Variants in PIGN observed in about 807,000 individuals in gnomAD.
PIGN encodes the protein GPI ethanolamine phosphate transferase 1.
Under a neutral mutation model 125.4 loss-of-function variants are expected in PIGN, and 117 were observed. That is an observed-to-expected ratio of 0.93 (90% CI 0.80 to 1.09). The LOEUF (loss-of-function observed/expected upper bound fraction) is 1.09, where lower values mean the gene tolerates loss of function less well. PIGN is among the 50% of genes least tolerant of loss of function. The pLI, the probability that PIGN is intolerant of heterozygous loss-of-function variation, is 0.00. For missense variants in PIGN, 1,075 were observed against 1,094.9 expected (o/e 0.98, Z 0.26); for synonymous variants, 392 against 377.8 (o/e 1.04, Z -0.44).
intron 29 of PIGN, among the ~76,000 whole-genome samples, chr18:62,073,170 GGTGTGT>G (rs34182707): frequency 1.6e-3 from 226 of 145,478 alleles, no homozygotes; most frequent in African/African-American, 5.2e-3. Context: ...AATTATCAGG[GGTGTGT>G]GTGTGTGTGT....
chr18:62,026,525 A>T (rs535380320), intron 23 of PIGN, among the ~76,000 whole-genome samples: 7 of 152,338 alleles, frequency 4.6e-5, no homozygotes, highest in African/African-American at 1.4e-4. Context: ...CACAAGAACA[A>T]AGATAAATAG....
In PIGN at chr18:62,137,081, A is replaced by G. The variant is rs192504218; in HGVS notation, c.1172+1162T>C. 334 of 398,690 alleles carry G rather than the reference A, an allele frequency of 8.4e-4. 7 individuals are homozygous for G. The Admixed American group carries it at 0.013, about 16-fold the overall frequency. The allele number at this position is 398,690 out of a possible 1,614,324, so 24.7% of individuals were successfully genotyped here. A position where few individuals can be genotyped will look rare whatever the true frequency, so the allele number is the denominator to read the frequency against. ...AGTGGGAGAAGCAGACCCACCCTCA[A>G]GTGGGCATCATCTAATCAGCTGCCA... On this transcript the variant is annotated intron_variant, in intron 14 of 30. Transcript: ENST00000640252.
Position 62,113,250 on chromosome 18 carries a change from T to A in PIGN, c.1318A>T (p.Arg440Ter). 6.2e-7 allele frequency: 1 copy of A among 1,612,988 alleles called. No homozygotes were observed. The change falls in exon 16 of 31, where the codon AGA (arginine) becomes TGA (stop). Residue 440 changes from arginine (R) to a stop codon, truncating the protein, a stop_gained. Coordinates refer to ENST00000640252, the MANE Select transcript of PIGN (RefSeq NM_176787.5). LOFTEE classifies it high-confidence loss of function. ...KGLSYYHTYD[R>*]FFLGVNVVIG... ...ACAACATTGACGCCCAAAAAGAATCTGTCATATGTGTGATAATAGGACAAT... is the reference window on the plus strand; with the variant it reads ...ACAACATTGACGCCCAAAAAGAATCAGTCATATGTGTGATAATAGGACAAT...
chr18:62,148,557 A>G (rs991422088), intron 7 of PIGN, among the ~76,000 whole-genome samples: 1 of 152,144 alleles, frequency 6.6e-6, no homozygotes, highest in Admixed American at 6.5e-5. Flanking sequence ...AATAAGGCCA[A>G]AAAAAGATGT....
At chr18:62,186,747 AG>A (rs1415625362) in intron 1 of PIGN, 96 bp downstream of exon 1, 1 of 152,278 alleles carries the variant, frequency 6.6e-6, no homozygotes, top group East Asian at 1.9e-4. Context: ...GCAAATAGCG[AG>A]AAAAAGTGCA....
At chr18:62,129,715 A>G (rs1031812182) in intron 14 of PIGN, among the ~76,000 whole-genome samples, 2 of 152,150 alleles carry the variant, frequency 1.3e-5, no homozygotes, top group East Asian at 3.8e-4. Context: ...AGTGCCTGGG[A>G]CACAGTAGGA....
chr18:62,096,110 C>T (rs1049119940), intron 22 of PIGN, among the ~76,000 whole-genome samples, 160 bp from the exon 23 acceptor site: 1 of 152,106 alleles, frequency 6.6e-6, no homozygotes, highest in African/African-American at 2.4e-5. Context: ...GCCTTGCCAA[C>T]ATGATAAAAC....
chr18:62,021,260 T>C (rs1375500958), intron 23 of PIGN, among the ~76,000 whole-genome samples: 1 of 152,144 alleles, frequency 6.6e-6, no homozygotes, highest in African/African-American at 2.4e-5. Flanking sequence ...AAATGCCCAT[T>C]AACAGATGGA....
Position 62,053,359 on chromosome 18 carries a change from A to T in PIGN, c.2673-7380T>A, listed in dbSNP as rs376385554. Among the ~76,000 whole-genome samples the T allele has an allele frequency of 3.3e-5, 5 of 152,356 alleles. No homozygotes were observed. The South Asian group carries it at 6.2e-4, about 19-fold the overall frequency. ...AAAAAAATAATTCTATAAAATGTTC[A>T]AGTAATACACTGGATGTCAGGAAAC... On this transcript the variant is annotated intron_variant, in intron 30 of 30. Coordinates refer to ENST00000640252, the MANE Select transcript of PIGN (RefSeq NM_176787.5).
intron 11 of PIGN, among the ~76,000 whole-genome samples, chr18:62,141,010 T>C (rs2036115212): frequency 6.6e-6 from 1 of 152,212 alleles, no homozygotes; most frequent in African/African-American, 2.4e-5. Context: ...TTGTTCATGC[T>C]TTTTCTATCT....
intron 22 of PIGN, among the ~76,000 whole-genome samples, chr18:62,099,620 T>G (rs1332956281): frequency 6.6e-6 from 1 of 151,990 alleles, no homozygotes; most frequent in Non-Finnish European, 1.5e-5. Flanking sequence ...AACAGACACA[T>G]AGATGAATGG....
In PIGN at chr18:62,060,249, C is replaced by T. The variant is rs140442756; in HGVS notation, c.2672+12424G>A. 1.4e-4 allele frequency among the ~76,000 whole-genome samples: 21 copies of T among 152,302 alleles called. No homozygotes were observed. The East Asian group carries it at 3.5e-3, about 25-fold the overall frequency. Reference sequence around the variant, plus strand: ...GAAATGAGTTCAGCTGTTCGCACTCCCCTCCCATGACTATTGTGCCATCAT... The same window carrying T: ...GAAATGAGTTCAGCTGTTCGCACTCTCCTCCCATGACTATTGTGCCATCAT... On this transcript the variant is annotated intron_variant, in intron 30 of 30. Transcript: ENST00000640252.
rs1372144159 is a variant in PIGN, at chr18:62,109,910, G to T, written c.1498C>A (p.Leu500Met). The T allele has an allele frequency of 6.2e-7, 1 of 1,613,140 alleles. No homozygotes were observed. The highest frequency in any genetic ancestry group is 1.7e-4 in the Middle Eastern group (1 of 6,056). ...TATGTCCAGGGACAGGCTTGAATCAGCAGAAAAAATGCTACTAAAATGCCA... is the reference window on the plus strand; with the variant it reads ...TATGTCCAGGGACAGGCTTGAATCATCAGAAAAAATGCTACTAAAATGCCA... ...AIGILVAFFL[L>M]IQACPWTYYV... The change falls in exon 17 of 31, where the codon CTG becomes ATG. Residue 500 changes from leucine (L) to methionine (M), a missense_variant. Physicochemically the swap from Leu to Met is conservative, Grantham distance 15. Around this residue, in one of 3 missense-constraint regions of PIGN, gnomAD observed 915 missense variants for 908.7 expected, o/e 1.01. Transcript: ENST00000640252.
chr18:62,184,980 T>C (rs2037844893), intron 1 of PIGN, among the ~76,000 whole-genome samples: 1 of 152,206 alleles, frequency 6.6e-6, no homozygotes, highest in African/African-American at 2.4e-5. Flanking sequence ...GTTAGGTAAC[T>C]TTTTCAAGGT....
intron 1 of PIGN, among the ~76,000 whole-genome samples, chr18:62,165,060 C>G (rs545670572): frequency 2.6e-5 from 4 of 152,154 alleles, no homozygotes; most frequent in African/African-American, 9.7e-5. Flanking sequence ...TTAGGTCACA[C>G]GGTTGGATCC....
At chr18:62,103,123 G>A (rs2034509423) in intron 20 of PIGN, among the ~76,000 whole-genome samples, 1 of 151,870 alleles carries the variant, frequency 6.6e-6, no homozygotes, top group Non-Finnish European at 1.5e-5. Flanking sequence ...CTGCTGGATG[G>A]GGTTATTTGT....
rs972837318 is a variant in PIGN at position 62,072,729 on chromosome 18, T to C, written c.2620-4A>G. On this transcript the variant is annotated splice_region_variant and splice_polypyrimidine_tract_variant and intron_variant, in intron 29 of 30. Transcript: ENST00000640252. ...CCTTGACCAAGAAGAAAAAATGCTG[T>C]AAAAAAAAAAAAAGGCTTAATGAAA... is the stretch of plus-strand genomic sequence containing the variant. The C allele has an allele frequency of 7.0e-7, 1 of 1,425,048 alleles. No homozygotes were observed. Among genetic ancestry groups the C allele is most frequent in the Non-Finnish European group, 9.5e-7 (1 of 1,057,386 alleles). 88.3% of individuals were successfully genotyped at this position (1,425,048 alleles called of 1,614,324 possible).
At chr18:62,062,710 T>C (rs1269792590) in intron 30 of PIGN, among the ~76,000 whole-genome samples, 2 of 151,958 alleles carry the variant, frequency 1.3e-5, no homozygotes, top group Non-Finnish European at 2.9e-5. Flanking sequence ...TAATATAATA[T>C]TTTAATATGT....
chr18:62,055,671 C>T (rs569212409), intron 30 of PIGN, among the ~76,000 whole-genome samples: 54 of 152,056 alleles, frequency 3.6e-4, no homozygotes, highest in Non-Finnish European at 7.4e-4. Flanking sequence ...TATAGGAGAT[C>T]TCTCTGTATT....
Sources: gnomAD v4.1 joint callset for allele counts (sites outside exome capture counted in the v4.1 genomes callset) on GRCh38, gnomAD v4.1.1 for gene constraint, gnomAD v4.1.1 regional missense constraint, MANE v1.5 for transcripts, NCBI Gene and HGNC (gene_info 2026-07-23, HGNC 2026-07-21) for gene names.